The following HEATR5A variants were observed in gnomAD, a reference collection of about 807,000 sequenced individuals.
The protein encoded by HEATR5A is HEAT repeat containing 5A.
In HEATR5A, 178 loss-of-function variants were observed where a neutral mutation model predicts 218.8. The ratio of observed to expected loss-of-function variants is 0.81; its 90% CI spans 0.72 to 0.92. HEATR5A has a LOEUF of 0.92. Among genes scored for constraint, HEATR5A ranks in the 40% least tolerant of loss-of-function variants. The probability of loss-of-function intolerance (pLI) is 0.00; values close to 1 mark genes in which losing one functional copy is unlikely to be tolerated. For synonymous variants in HEATR5A, 864 were observed against 871.6 expected (o/e 0.99, Z 0.15); for missense variants, 2,420 against 2,418.9 (o/e 1.00, Z -0.01).
intron 6 of HEATR5A, among the ~76,000 whole-genome samples, chr14:31,393,475 C>T (rs1374757881): frequency 2.0e-5 from 3 of 152,166 alleles, no homozygotes; most frequent in African/African-American, 7.2e-5. Context: ...GGCACCACTG[C>T]TCTCCAGACT....
Position 31,347,817 on chromosome 14 carries a change from A to C in HEATR5A, c.2799T>G (p.Ser933=). 1 of 1,608,956 alleles carries C rather than the reference A, an allele frequency of 6.2e-7. No homozygotes were observed. Among genetic ancestry groups the C allele is most frequent in the Non-Finnish European group, 8.5e-7 (1 of 1,177,332 alleles). ...LHRYLGGISS[S]QHLNSCIGIL... ...TTCCAATACAAGAATTTAGGTGTTG[A>C]GAAGAACTTATTCCTCCTAAATACC... Residue 933 remains serine, a synonymous_variant, in exon 19 of 36, where the codon TCT becomes TCG. Coordinates refer to ENST00000543095, the MANE Select transcript of HEATR5A (RefSeq NM_015473.4).
At chr14:31,388,359 A>C (rs1393510566) in intron 7 of HEATR5A, among the ~76,000 whole-genome samples, 3 of 152,246 alleles carry the variant, frequency 2.0e-5, no homozygotes, top group African/African-American at 7.2e-5. Context: ...TTTATTGTTA[A>C]GATAACTCTT....
chr14:31,368,717 ATTTATTTAT>A (rs1901902211), intron 13 of HEATR5A, among the ~76,000 whole-genome samples: 1 of 50,986 alleles, frequency 2.0e-5, no homozygotes, highest in Non-Finnish European at 6.0e-5. Context: ...TTATTTATTT[ATTTATTTAT>A]TTATTTATTT....
intron 14 of HEATR5A, among the ~76,000 whole-genome samples, chr14:31,362,967 G>A (rs1046027107): frequency 9.2e-5 from 14 of 151,458 alleles, no homozygotes; most frequent in Non-Finnish European, 1.9e-4. Context: ...CTGAGGTCAG[G>A]AGTTCACACC....
At chr14:31,361,062 G>A (rs1450276828) in intron 14 of HEATR5A, among the ~76,000 whole-genome samples, 3 of 152,122 alleles carry the variant, frequency 2.0e-5, no homozygotes, top group African/African-American at 7.2e-5. Flanking sequence ...TTACAGGTAA[G>A]GAAACAGGAA....
intron 1 of HEATR5A, among the ~76,000 whole-genome samples, chr14:31,408,566 T>G (rs1485830768): frequency 6.6e-6 from 1 of 152,088 alleles, no homozygotes; most frequent in Admixed American, 6.5e-5. Flanking sequence ...TATATGAAAC[T>G]GCCATTTTTA....
chr14:31,408,708 T>A (rs1380486341), intron 1 of HEATR5A, among the ~76,000 whole-genome samples: 2 of 151,868 alleles, frequency 1.3e-5, no homozygotes, highest in Non-Finnish European at 2.9e-5. Context: ...TGGCTCTGTA[T>A]TAAGCCTAGT....
intron 22 of HEATR5A, among the ~76,000 whole-genome samples, chr14:31,332,627 T>G (rs180869730): frequency 3.9e-5 from 6 of 152,228 alleles, no homozygotes; most frequent in African/African-American, 9.6e-5. Context: ...AAAAGGCTAC[T>G]CCAGTGAACA....
At chr14:31,356,134 T>G (rs905726451) in intron 16 of HEATR5A, among the ~76,000 whole-genome samples, 10 of 152,224 alleles carry the variant, frequency 6.6e-5, no homozygotes, top group Admixed American at 1.3e-4. Context: ...AACTTCCCTA[T>G]TCATGTAGTT....
At chr14:31,325,707 T>C (rs1900246002) in intron 23 of HEATR5A, among the ~76,000 whole-genome samples, 1 of 151,642 alleles carries the variant, frequency 6.6e-6, no homozygotes, top group Non-Finnish European at 1.5e-5. Context: ...GTAGAGATGG[T>C]GTTTTGCCAC....
chr14:31,315,814 C>T lies in HEATR5A; in HGVS notation c.4174G>A (p.Ala1392Thr). 3.7e-6 allele frequency: 6 copies of T among 1,612,672 alleles called. No individual in the cohort carries two copies. Among genetic ancestry groups the T allele is most frequent in the Non-Finnish European group, 5.1e-6 (6 of 1,179,262 alleles). Residue 1392 changes from alanine (A) to threonine (T), a missense_variant, in exon 27 of 36, where the codon GCT (alanine) becomes ACT (threonine). Physicochemically the swap from Ala to Thr is moderately conservative, Grantham distance 58. Transcript: ENST00000543095. ...EALSHLYNES[A>T]STMEILAVLK... The stretch of plus-strand genomic sequence containing the variant: ...ACAGCTAAGATCTCCATGGTAGAAG[C>T]ACTTTCATTATATAAGTGACTTAGA...
chr14:31,334,120 T>A (rs1474570616), intron 22 of HEATR5A, among the ~76,000 whole-genome samples: 1 of 148,362 alleles, frequency 6.7e-6, no homozygotes, highest in Non-Finnish European at 1.5e-5. Context: ...TACTGAATAT[T>A]TTAAGTCCAC....
intron 13 of HEATR5A, among the ~76,000 whole-genome samples, chr14:31,368,842 A>C (rs1279431365): frequency 1.3e-5 from 2 of 152,102 alleles, no homozygotes; most frequent in African/African-American, 2.4e-5. Context: ...GATTACAGGC[A>C]TGAGCCACTG....
chr14:31,327,438 C>T (rs921821863), intron 22 of HEATR5A, among the ~76,000 whole-genome samples: 7 of 151,254 alleles, frequency 4.6e-5, no homozygotes, highest in East Asian at 1.9e-4. Context: ...GGACTAGAGG[C>T]GACCACCACC....
chr14:31,312,183 T>C (rs1218287771), intron 28 of HEATR5A, among the ~76,000 whole-genome samples: 1 of 152,122 alleles, frequency 6.6e-6, no homozygotes, highest in Admixed American at 6.6e-5. Flanking sequence ...CTAAATCTTT[T>C]GAAGAGAAAC....
intron 21 of HEATR5A, among the ~76,000 whole-genome samples, chr14:31,340,816 T>C (rs1900815839): frequency 6.6e-6 from 1 of 152,246 alleles, no homozygotes; most frequent in Admixed American, 6.5e-5. Context: ...GTGATCTGGA[T>C]TGCATTCACA....
At chr14:31,315,421 G>A (rs904518652) in intron 27 of HEATR5A, among the ~76,000 whole-genome samples, 2 of 152,040 alleles carry the variant, frequency 1.3e-5, no homozygotes, top group East Asian at 1.9e-4. Context: ...ATCATTCTAC[G>A]AAAGAGCATT....
At chr14:31,316,473 G>A (rs17097806) in intron 26 of HEATR5A, among the ~76,000 whole-genome samples, 16,238 of 152,130 alleles carry the variant, frequency 0.11, 1,592 homozygotes, top group East Asian at 0.28. Context: ...CAAAGGGAAC[G>A]AAGTCTAAGG....
In HEATR5A at chr14:31,318,204, T is replaced by C; in HGVS notation, c.4038+20A>G. On this transcript the variant is annotated intron_variant, in intron 26 of 35. Coordinates refer to ENST00000543095, the MANE Select transcript of HEATR5A (RefSeq NM_015473.4). ...TGCTTCCCAAGATTATCTCTTAAGCTTCATCTTTTAACCATTTACCTGACA... is the reference window on the plus strand; with the variant it reads ...TGCTTCCCAAGATTATCTCTTAAGCCTCATCTTTTAACCATTTACCTGACA... 1 of 1,605,748 alleles carries C rather than the reference T, an allele frequency of 6.2e-7. No homozygotes were observed. The highest frequency in any genetic ancestry group is 8.5e-7 in the Non-Finnish European group (1 of 1,172,498).
Sources: allele counts gnomAD v4.1 joint callset (sites outside exome capture counted in the v4.1 genomes callset), GRCh38; gene constraint gnomAD v4.1.1; transcripts MANE v1.5; gene names NCBI Gene and HGNC (gene_info 2026-07-23, HGNC 2026-07-21).